Variants in ZNF324B observed in about 807,000 individuals in gnomAD.
ZNF324B encodes the protein zinc finger protein 324B.
ZNF324B carries 7 observed loss-of-function variants against 10.6 expected under a neutral mutation model. The observed-to-expected ratio is 0.66, with a 90% confidence interval of 0.38 to 1.24. The LOEUF (loss-of-function observed/expected upper bound fraction) is 1.24, where lower values mean the gene tolerates loss of function less well. Among genes scored for constraint, ZNF324B ranks in the 50% most tolerant of loss-of-function variants. The pLI is 0.02. For missense variants in ZNF324B, 640 were observed against 764.7 expected (o/e 0.84, Z 1.92); for synonymous variants, 316 against 321.0 (o/e 0.98, Z 0.17).
the ZNF324B span, chr19:58,418,402 C>T: frequency 1.3e-5 from 2 of 152,298 alleles, no homozygotes; most frequent in African/African-American, 4.9e-5. Context: ...CATCATAGCT[C>T]ACCACAGCCT....
chr19:58,451,686 G>C lies in ZNF324B; in HGVS notation c.-25G>C. The C allele has an allele frequency of 2.0e-6, 1 of 500,960 alleles. No homozygotes were observed. The highest frequency in any genetic ancestry group is 3.3e-4 in the Middle Eastern group (1 of 3,048). The allele number at this position is 500,960 out of a possible 1,614,324, so 31.0% of individuals were successfully genotyped here. A position where few individuals can be genotyped will look rare whatever the true frequency, so the allele number is the denominator to read the frequency against. ...GGCTGTGGCGCGCGGGTCGGGGCCC[G>C]AGGCGGGCGGCCAGGAAGGTACGGA... On this transcript the variant is annotated 5_prime_UTR_variant, in exon 1 of 4. Transcript: ENST00000336614.
the ZNF324B span, chr19:58,428,571 T>C: frequency 6.6e-6 from 1 of 152,202 alleles, no homozygotes; most frequent in Non-Finnish European, 1.5e-5. Flanking sequence ...ATGATTTCTG[T>C]CTTCTCTGTC....
At chr19:58,439,191 C>T in the ZNF324B span, among the ~76,000 whole-genome samples, 4 of 152,214 alleles carry the variant, frequency 2.6e-5, no homozygotes, top group South Asian at 6.2e-4. Context: ...ACCCCTCTGT[C>T]CAGCTACCCA....
the ZNF324B span, among the ~76,000 whole-genome samples, chr19:58,423,438 G>A: frequency 2.0e-5 from 3 of 152,242 alleles, no homozygotes; most frequent in Non-Finnish European, 4.4e-5. Flanking sequence ...GGGATTGCAG[G>A]CATGAGCCAC....
At chr19:58,433,363 T>C in the ZNF324B span, 1 of 1,614,246 alleles carries the variant, frequency 6.2e-7, no homozygotes, top group South Asian at 1.1e-5. Flanking sequence ...GTTACAAAGA[T>C]GGCTGAAGAG....
chr19:58,442,161 C>CTGTTTTTTTTTTTTTTTTTTT, the ZNF324B span: 1 of 95,048 alleles, frequency 1.1e-5, no homozygotes, highest in African/African-American at 6.4e-5. Flanking sequence ...TGTTACAGTT[C>CTGTTTTTTTTTTTTTTTTTTT]TTTTTTTTTT....
the ZNF324B span, chr19:58,435,465 C>A: frequency 7.2e-6 from 3 of 418,200 alleles, no homozygotes; most frequent in East Asian, 8.1e-5. Flanking sequence ...ATAGACATTT[C>A]TCTAAAAGAA....
the ZNF324B span, chr19:58,441,722 A>T: frequency 6.6e-6 from 1 of 152,322 alleles, no homozygotes; most frequent in Non-Finnish European, 1.5e-5. Flanking sequence ...TGGCCCAGTG[A>T]ACGGCCTGAG....
At chr19:58,450,727 G>A (rs906894926), upstream of ZNF324B, among the ~76,000 whole-genome samples, 3 of 152,232 alleles carry the variant, frequency 2.0e-5, no homozygotes, top group East Asian at 3.9e-4. Flanking sequence ...ATGAATTAAC[G>A]TACTTGACAT....
rs780477053 is a variant in ZNF324B, at chr19:58,456,105, C to T, written c.1161C>T (p.His387=). 3.5e-5 allele frequency: 56 copies of T among 1,613,052 alleles called. No individual in the cohort carries two copies. The highest frequency in any genetic ancestry group is 5.0e-5 in the Admixed American group (3 of 60,004). ...RFCRNSHLIQ[H]ERTHTGEKPF... is the part of the protein sequence containing the mutation. ...GCCGCAACTCGCACCTGATCCAGCA[C>T]GAGCGTACGCACACAGGCGAGAAGC... Residue 387 remains histidine, a synonymous_variant, in exon 4 of 4, where the codon CAC becomes CAT. Transcript: ENST00000336614. The surrounding 1 kb of genome is among the most constrained non-coding windows in gnomAD (Gnocchi z 4.7).
chr19:58,450,947 G>C (rs2052851411), upstream of ZNF324B, among the ~76,000 whole-genome samples: 3 of 152,196 alleles, frequency 2.0e-5, no homozygotes, highest in South Asian at 2.1e-4. Flanking sequence ...GAACTAGATG[G>C]TCTAAGGACA....
chr19:58,427,365 T>TTCCTTC, the ZNF324B span, among the ~76,000 whole-genome samples: 2 of 48,794 alleles, frequency 4.1e-5, no homozygotes, highest in Admixed American at 2.5e-4. Flanking sequence ...TTTCTTTCTT[T>TTCCTTC]CTTTCTTTCT....
the ZNF324B span, among the ~76,000 whole-genome samples, chr19:58,423,734 A>G: frequency 3.3e-5 from 5 of 152,320 alleles, no homozygotes; most frequent in African/African-American, 4.8e-5. Context: ...GACCACGGAA[A>G]CATAATGGAG....
chr19:58,434,398 C>G, the ZNF324B span: 2 of 1,614,246 alleles, frequency 1.2e-6, no homozygotes, highest in Non-Finnish European at 1.7e-6. Flanking sequence ...ACATTCATCA[C>G]ACTCATAAGG....
chr19:58,433,590 C>G, the ZNF324B span: 1 of 1,614,096 alleles, frequency 6.2e-7, no homozygotes, highest in African/African-American at 1.3e-5. Context: ...TGTGAACTCT[C>G]CAGTGACAAA....
intron 1 of ZNF324B, 147 bp downstream of exon 1, chr19:58,451,851 C>T (rs2052861017): frequency 3.8e-6 from 1 of 263,168 alleles, no homozygotes; most frequent in South Asian, 2.9e-5. Context: ...GGGCATTCTG[C>T]GCCCATGACT....
the ZNF324B span, chr19:58,440,516 C>G: frequency 1.3e-5 from 2 of 152,558 alleles, no homozygotes; most frequent in South Asian, 2.0e-4. Flanking sequence ...CTGAAGGGAC[C>G]GCGTTGTCAG....
At chr19:58,438,182 G>A in the ZNF324B span, among the ~76,000 whole-genome samples, 7 of 152,132 alleles carry the variant, frequency 4.6e-5, no homozygotes, top group Admixed American at 3.3e-4. Flanking sequence ...TACTTTTGCC[G>A]CTATGCTTCA....
At chr19:58,439,965 G>A in the ZNF324B span, 4 of 759,968 alleles carry the variant, frequency 5.3e-6, no homozygotes, top group Non-Finnish European at 8.4e-6. Flanking sequence ...TGGGTATGGA[G>A]ACCCTGGAGA....
Sources: gnomAD v4.1 joint callset for allele counts (sites outside exome capture counted in the v4.1 genomes callset) on GRCh38, gnomAD v4.1.1 for gene constraint, Gnocchi (gnomAD v3.1) non-coding constraint, MANE v1.5 for transcripts, NCBI Gene and HGNC (gene_info 2026-07-23, HGNC 2026-07-21) for gene names.